BAMBI: variants seen among roughly 807,000 people sequenced by gnomAD.
BAMBI encodes the protein BMP and activin membrane-bound inhibitor homolog.
In BAMBI, 21 loss-of-function variants were observed where a neutral mutation model predicts 24.1. The observed-to-expected ratio is 0.87, with a 90% CI of 0.62 to 1.26. The LOEUF (loss-of-function observed/expected upper bound fraction) is 1.26, where lower values mean the gene tolerates loss of function less well. Among genes scored for constraint, BAMBI ranks in the 50% most tolerant of loss-of-function variants. The pLI, the probability that BAMBI is intolerant of heterozygous loss-of-function variation, is 0.00. For synonymous variants in BAMBI, 156 were observed against 123.1 expected (o/e 1.27, Z -1.77); for missense variants, 388 against 329.1 (o/e 1.18, Z -1.38).
chr10:28,681,482 G>T lies in BAMBI; in HGVS notation c.301G>T (p.Glu101Ter). 4 of 1,614,170 alleles carry T rather than the reference G, an allele frequency of 2.5e-6. No homozygotes were observed. The highest frequency in any genetic ancestry group is 3.4e-6 in the Non-Finnish European group (4 of 1,180,032). The change falls in exon 2 of 3, where the codon GAA becomes TAA. Residue 101 changes from glutamate (E) to a stop codon, truncating the protein, a stop_gained. Transcript: ENST00000375533. LOFTEE classifies it high-confidence loss of function. Reference sequence around the variant, plus strand: ...CATACCCACATTGGAATGCTGTCATGAAGACATGTGCAATTACAGAGGGCT... The same window carrying T: ...CATACCCACATTGGAATGCTGTCATTAAGACATGTGCAATTACAGAGGGCT... The part of the protein sequence containing the change: ...TTIPTLECCH[E>*]DMCNYRGLHD...
chr10:28,678,613 C>T (rs1834464263), intron 1 of BAMBI, among the ~76,000 whole-genome samples: 1 of 151,916 alleles, frequency 6.6e-6, no homozygotes, highest in African/African-American at 2.4e-5. Flanking sequence ...CTCTAAGTGT[C>T]TTTGTATCTC....
Position 28,681,252 on chromosome 10 carries a change from T to G in BAMBI, c.77-6T>G. On this transcript the variant is annotated splice_polypyrimidine_tract_variant and splice_region_variant and intron_variant, in intron 1 of 2. Transcript: ENST00000375533. Reference sequence around the variant, plus strand: ...AGAGTTTGAGGTGGTTTCTCATTGTTTTCAGGTGAAATTCGATGCTACTGT... The same window carrying G: ...AGAGTTTGAGGTGGTTTCTCATTGTGTTCAGGTGAAATTCGATGCTACTGT... 1 of 1,607,870 alleles carries G rather than the reference T, an allele frequency of 6.2e-7. No homozygotes were observed. The highest frequency in any genetic ancestry group is 1.3e-5 in the African/African-American group (1 of 74,930).
intron 1 of BAMBI, among the ~76,000 whole-genome samples, chr10:28,680,812 G>C (rs1834489370): frequency 6.6e-6 from 1 of 152,154 alleles, no homozygotes; most frequent in African/African-American, 2.4e-5. Flanking sequence ...GTTAGCTAAA[G>C]CTCTTAACTC....
chr10:28,681,266 C>A lies in BAMBI; in HGVS notation c.85C>A (p.Arg29=). The A allele has an allele frequency of 1.2e-6, 2 of 1,609,816 alleles. No individual in the cohort carries two copies. The highest frequency in any genetic ancestry group is 1.7e-6 in the Non-Finnish European group (2 of 1,178,310). ...MAVLLTKGEI[R]CYCDAAHCVA... The stretch of plus-strand genomic sequence containing the variant: ...TTTCTCATTGTTTTCAGGTGAAATT[C>A]GATGCTACTGTGATGCTGCCCACTG... Residue 29 remains arginine, a synonymous_variant, in exon 2 of 3, where the codon CGA becomes AGA. Transcript: ENST00000375533.
At position 28,682,418 on chromosome 10, in the gene BAMBI, C is replaced by G. The variant is rs778775138; in HGVS notation, c.*17C>G. ...TTCGTATGACGGAGTCTTATCTGAA[C>G]TACACTTACTGAACAGCTTGAAGGC... is the stretch of plus-strand genomic sequence containing the variant. On this transcript the variant is annotated 3_prime_UTR_variant, in exon 3 of 3. Transcript: ENST00000375533. 6.3e-7 allele frequency: 1 copy of G among 1,597,172 alleles called. No individual in the cohort carries two copies. Among genetic ancestry groups the G allele is most frequent in the Non-Finnish European group, 8.6e-7 (1 of 1,167,956 alleles).
At chr10:28,678,581 C>G (rs980851992) in intron 1 of BAMBI, among the ~76,000 whole-genome samples, 3 of 152,190 alleles carry the variant, frequency 2.0e-5, no homozygotes, top group Non-Finnish European at 4.4e-5. Context: ...GTGTGTCTTT[C>G]TGAATGCATT....
rs1834508688 is a variant in BAMBI at position 28,682,341 on chromosome 10, G to C, written c.723G>C (p.Lys241Asn). Residue 241 changes from lysine (K) to asparagine (N), a missense_variant, in exon 3 of 3, where the codon AAG (lysine) becomes AAC (asparagine). Physicochemically the swap from Lys to Asn is moderately conservative, Grantham distance 94. Transcript: ENST00000375533. ...GACAAGCAGACCTCAGCAACGATAA[G>C]ATCCTCTCGCTTGTTCACTGGGGCA... ...KMRQADLSND[K>N]ILSLVHWGMY... The C allele has an allele frequency of 6.2e-7, 1 of 1,613,964 alleles. No homozygotes were observed. The highest frequency in any genetic ancestry group is 8.5e-7 in the Non-Finnish European group (1 of 1,180,024).
chr10:28,682,613 A>G lies in BAMBI; in HGVS notation c.*212A>G. The G allele has an allele frequency of 1.9e-6, 1 of 515,462 alleles. No individual in the cohort carries two copies. The highest frequency in any genetic ancestry group is 3.3e-6 in the Non-Finnish European group (1 of 299,136). 31.9% of individuals were successfully genotyped at this position (515,462 alleles called of 1,614,324 possible). A position where few individuals can be genotyped will look rare whatever the true frequency, so the allele number is the denominator to read the frequency against. The stretch of plus-strand genomic sequence containing the variant: ...GTTATTTGCTTTTAAAATTATAAAA[A>G]GCAAAGAGAAGACTTTGTACACACT... On this transcript the variant is annotated 3_prime_UTR_variant, in exon 3 of 3. Coordinates refer to ENST00000375533, the MANE Select transcript of BAMBI (RefSeq NM_012342.3).
intron 1 of BAMBI, 118 bp downstream of exon 1, chr10:28,678,091 C>G (rs1044156164): frequency 1.1e-6 from 1 of 893,066 alleles, no homozygotes; most frequent in Admixed American, 3.2e-5. Flanking sequence ...AGCCGCAGGT[C>G]GCGACAAGTT....
intron 1 of BAMBI, among the ~76,000 whole-genome samples, chr10:28,680,523 A>AGG (rs1834486418): frequency 7.1e-6 from 1 of 141,046 alleles, no homozygotes; most frequent in East Asian, 2.5e-4. Context: ...GGAGGAGGAG[A>AGG]AGTTAGCCTT....
Position 28,681,450 on chromosome 10 carries a change from G to A in BAMBI, c.269G>A (p.Gly90Asp), listed in dbSNP as rs759400106. Residue 90 changes from glycine to aspartate, a missense_variant, in exon 2 of 3, where the codon GGC (glycine) becomes GAC (aspartate). Transcript: ENST00000375533. ...CQAKQARNHSGTTIPTLECCH... is the reference protein window; with the variant it reads ...CQAKQARNHSDTTIPTLECCH... ...GCCAAACAGGCCCGAAACCACTCTG[G>A]CACCACCATACCCACATTGGAATGC... 1 of 1,614,128 alleles carries A rather than the reference G, an allele frequency of 6.2e-7. No homozygotes were observed. The highest frequency in any genetic ancestry group is 1.1e-5 in the South Asian group (1 of 91,074).
rs990565241 is a variant in BAMBI, at chr10:28,682,632, A to T, written c.*231A>T. 2.4e-5 allele frequency: 11 copies of T among 450,816 alleles called. No individual in the cohort carries two copies. The highest frequency in any genetic ancestry group is 3.9e-5 in the Non-Finnish European group (10 of 257,398). 27.9% of individuals were successfully genotyped at this position (450,816 alleles called of 1,614,324 possible). On this transcript the variant is annotated 3_prime_UTR_variant, in exon 3 of 3. Transcript: ENST00000375533. The stretch of plus-strand genomic sequence containing the variant: ...ATAAAAAGCAAAGAGAAGACTTTGT[A>T]CACACTGTCACCAGGGTTATTTGCA...
At position 28,682,080 on chromosome 10, in the gene BAMBI, C is replaced by A; in HGVS notation, c.462C>A (p.Val154=). 6.2e-7 allele frequency: 1 copy of A among 1,614,092 alleles called. No individual in the cohort carries two copies. The highest frequency in any genetic ancestry group is 1.1e-5 in the South Asian group (1 of 91,056). ...SSKELWFRAA[V]IAVPIAGGLI... ...AAGAGTTGTGGTTCCGGGCAGCGGT[C>A]ATTGCCGTGCCCATTGCTGGAGGGC... is the stretch of plus-strand genomic sequence containing the variant. Residue 154 remains valine (V), a synonymous_variant, in exon 3 of 3, where the codon GTC becomes GTA. Coordinates refer to ENST00000375533, the MANE Select transcript of BAMBI (RefSeq NM_012342.3).
intron 2 of BAMBI, 150 bp from the exon 3 acceptor site, chr10:28,681,832 CT>C: frequency 1.2e-6 from 1 of 864,730 alleles, no homozygotes; most frequent in Non-Finnish European, 1.8e-6. Context: ...TTGTAAGCTT[CT>C]TCAGATAGTT....
Position 28,681,286 on chromosome 10 carries a change from C to T in BAMBI, c.105C>T (p.Ala35=). The T allele has an allele frequency of 6.2e-7, 1 of 1,613,464 alleles. No individual in the cohort carries two copies. The highest frequency in any genetic ancestry group is 8.5e-7 in the Non-Finnish European group (1 of 1,180,008). The part of the protein sequence containing the change: ...KGEIRCYCDA[A]HCVATGYMCK... ...AAATTCGATGCTACTGTGATGCTGC[C>T]CACTGTGTAGCCACTGGTTATATGT... Residue 35 remains alanine, a synonymous_variant, in exon 2 of 3, where the codon GCC becomes GCT. Transcript: ENST00000375533.
At position 28,677,931 on chromosome 10, in the gene BAMBI, C is replaced by T. The variant is rs534127021; in HGVS notation, c.34C>T (p.Leu12=). ...CCACTCCAGCTACATCTTCATCTGG[C>T]TGCAGCTGGAGCTCTGCGCCATGGC... ...DRHSSYIFIW[L]QLELCAMAVL... is the part of the protein sequence containing the mutation. The change falls in exon 1 of 3, where the codon CTG becomes TTG. Residue 12 remains leucine (L), a synonymous_variant. Transcript: ENST00000375533. 11 of 1,533,662 alleles carry T rather than the reference C, an allele frequency of 7.2e-6. No individual in the cohort carries two copies. Among genetic ancestry groups the T allele is most frequent in the African/African-American group, 4.2e-5 (3 of 71,892 alleles).
chr10:28,679,971 T>C (rs1834480569), intron 1 of BAMBI, among the ~76,000 whole-genome samples: 1 of 152,208 alleles, frequency 6.6e-6, no homozygotes, highest in African/African-American at 2.4e-5. Flanking sequence ...GGGCTGGTTT[T>C]CCTTAGAACC....
rs1564439675 is a variant in BAMBI at position 28,682,187 on chromosome 10, T to TGC, written c.570_571dup (p.Leu191ArgfsTer22). On this transcript the variant is annotated frameshift_variant, in exon 3 of 3. Transcript: ENST00000375533. LOFTEE classifies it high-confidence loss of function. ...AGGCTGCAGGATCAGCGGCAACAGA[T>TGC]GCTCTCCCGTTTGCACTACAGCTTT... is the stretch of plus-strand genomic sequence containing the variant. 1 of 1,614,184 alleles carries TGC rather than the reference T, an allele frequency of 6.2e-7. No individual in the cohort carries two copies. Among genetic ancestry groups the TGC allele is most frequent in the Admixed American group, 1.7e-5 (1 of 60,016 alleles).
At chr10:28,679,467 C>T (rs372939510) in intron 1 of BAMBI, among the ~76,000 whole-genome samples, 54 of 151,936 alleles carry the variant, frequency 3.6e-4, no homozygotes, top group African/African-American at 1.3e-3. Flanking sequence ...TTATGAACGA[C>T]AGAAATATAG....
Sources: gnomAD v4.1 joint callset for allele counts (sites outside exome capture counted in the v4.1 genomes callset) on GRCh38, gnomAD v4.1.1 for gene constraint, MANE v1.5 for transcripts, NCBI Gene and HGNC (gene_info 2026-07-23, HGNC 2026-07-21) for gene names.